GPR155: variants seen among roughly 807,000 people sequenced by gnomAD.
The protein encoded by GPR155 is G protein-coupled receptor 155.
In GPR155, 65 loss-of-function variants were observed where a neutral mutation model predicts 93.1. The ratio of observed to expected loss-of-function variants is 0.70; its 90% CI spans 0.57 to 0.86. The LOEUF is 0.86. GPR155 is among the 40% of genes least tolerant of loss of function. The pLI is 0.00. For missense variants in GPR155, 838 were observed against 1,034.8 expected, an observed-to-expected ratio of 0.81 and a Z score of 2.61; for synonymous variants, 319 against 360.1, an observed-to-expected ratio of 0.89 and a Z score of 1.29.
chr2:174,476,943 C>T (rs1688184813), intron 2 of GPR155, among the ~76,000 whole-genome samples: 1 of 152,162 alleles, frequency 6.6e-6, no homozygotes, highest in Non-Finnish European at 1.5e-5. Flanking sequence ...ACTAGTGCCA[C>T]CTCAACAAAT....
chr2:174,459,760 G>A (rs928253477), intron 10 of GPR155, 118 bp downstream of exon 10: 12 of 677,866 alleles, frequency 1.8e-5, no homozygotes, highest in African/African-American at 5.4e-5. Flanking sequence ...TGGCAGAATC[G>A]CTTAAACACA....
intron 10 of GPR155, 138 bp from the exon 11 acceptor site, chr2:174,453,979 C>G (rs2105694546): frequency 1.6e-6 from 1 of 638,928 alleles, no homozygotes; most frequent in East Asian, 2.7e-5. Context: ...CACATGGTAT[C>G]TATCCAAAAG....
At chr2:174,446,813 A>G in intron 11 of GPR155, 66 bp from the exon 12 acceptor site, 1 of 1,431,926 alleles carries the variant, frequency 7.0e-7, no homozygotes, top group Non-Finnish European at 9.8e-7. Flanking sequence ...TTAAATTTGT[A>G]ATGACTTCCT....
At chr2:174,445,053 C>G (rs770344625) in intron 13 of GPR155, 28 bp downstream of exon 13, 6 of 1,136,992 alleles carry the variant, frequency 5.3e-6, no homozygotes, top group Admixed American at 5.1e-5. Context: ...AAGACAAAAA[C>G]CCCTCAAAGT....
chr2:174,437,786 G>T (rs1172048291), intron 15 of GPR155, among the ~76,000 whole-genome samples: 1 of 151,404 alleles, frequency 6.6e-6, no homozygotes, highest in Admixed American at 6.6e-5. Context: ...ATTTCTCCAT[G>T]TTGGTCAGGC....
chr2:174,446,688 GTTC>G lies in GPR155; in HGVS notation c.1933_1935del (p.Glu645del), dbSNP rs747946706. ...TGCTGGTCTCCACTCTGTAGATACT[GTTC>G]TTCTTCCTGGGCTAATATGCAGCTC... On this transcript the variant is annotated inframe_deletion, in exon 12 of 16. Transcript: ENST00000392552. 2.4e-5 allele frequency: 39 copies of G among 1,613,600 alleles called. No individual in the cohort carries two copies. The highest frequency in any genetic ancestry group is 1.7e-4 in the Admixed American group (10 of 60,000).
chr2:174,464,325 A>C (rs184794467), intron 7 of GPR155, among the ~76,000 whole-genome samples: 1 of 152,352 alleles, frequency 6.6e-6, no homozygotes, highest in East Asian at 1.9e-4. Flanking sequence ...CTGGGATTTT[A>C]CTGATATAAG....
At chr2:174,472,888 G>T in intron 3 of GPR155, 77 bp downstream of exon 3, 1 of 1,113,166 alleles carries the variant, frequency 9.0e-7, no homozygotes, top group Non-Finnish European at 1.3e-6. Context: ...GAAAATGGTT[G>T]CAGACATACC....
At chr2:174,470,333 T>A (rs942381707) in intron 4 of GPR155, 57 bp downstream of exon 4, 31 of 1,339,846 alleles carry the variant, frequency 2.3e-5, no homozygotes, top group Admixed American at 7.6e-5. Flanking sequence ...TGAAATGAAT[T>A]TAAAAATTTT....
At chr2:174,456,388 T>G (rs1687519195) in intron 10 of GPR155, among the ~76,000 whole-genome samples, 1 of 151,886 alleles carries the variant, frequency 6.6e-6, no homozygotes, top group South Asian at 2.1e-4. Context: ...CACTGCAGCC[T>G]CTGCTTTCCA....
At chr2:174,454,249 C>T (rs1687421542) in intron 10 of GPR155, among the ~76,000 whole-genome samples, 1 of 152,184 alleles carries the variant, frequency 6.6e-6, no homozygotes, top group South Asian at 2.1e-4. Context: ...GCGATTGTCC[C>T]GCCTCAGCTT....
At position 174,468,972 on chromosome 2, in the gene GPR155, T is replaced by A. The variant is rs1687915847; in HGVS notation, c.1122A>T (p.Pro374=). 1 of 1,613,910 alleles carries A rather than the reference T, an allele frequency of 6.2e-7. No individual in the cohort carries two copies. Among genetic ancestry groups the A allele is most frequent in the Non-Finnish European group, 8.5e-7 (1 of 1,179,908 alleles). The change falls in exon 5 of 16, where the codon CCA becomes CCT. Residue 374 remains proline, a synonymous_variant. Transcript: ENST00000392552. ...LLTFPTMDPK[P]LAYAIQNVSF... is the part of the protein sequence containing the mutation. ...TAACATTCTGGATGGCATATGCCAA[T>A]GGCTTAGGGTCCATAGTGGGAAAGG...
intron 11 of GPR155, among the ~76,000 whole-genome samples, chr2:174,450,816 A>G (rs1687296134): frequency 6.6e-6 from 1 of 152,234 alleles, no homozygotes; most frequent in Non-Finnish European, 1.5e-5. Context: ...CACATTTTAG[A>G]AAAGGCCATG....
intron 1 of GPR155, among the ~76,000 whole-genome samples, chr2:174,483,981 C>A (rs1574745276): frequency 6.6e-6 from 1 of 152,190 alleles, no homozygotes; most frequent in Non-Finnish European, 1.5e-5. Context: ...CAGAAATTTA[C>A]AATGCTCAGG....
At chr2:174,461,732 C>G (rs1455618250) in intron 7 of GPR155, 60 bp from the exon 8 acceptor site, 1 of 962,046 alleles carries the variant, frequency 1.0e-6, no homozygotes, top group Non-Finnish European at 1.6e-6. Context: ...CTTTATGAAA[C>G]TTTATTTCCT....
intron 13 of GPR155, among the ~76,000 whole-genome samples, chr2:174,442,817 A>G (rs950017748): frequency 2.6e-5 from 4 of 152,144 alleles, no homozygotes; most frequent in Admixed American, 2.0e-4. Context: ...GAAGGACCCA[A>G]ATTTCTTCAT....
Position 174,473,209 on chromosome 2 carries a change from TTTTTA to T in GPR155, c.611_615del (p.Ile204AsnfsTer29), listed in dbSNP as rs776987791. On this transcript the variant is annotated frameshift_variant, in exon 3 of 16. Coordinates refer to ENST00000392552, the MANE Select transcript of GPR155 (RefSeq NM_152529.7). LOFTEE classifies it high-confidence loss of function. Reference sequence around the variant, plus strand: ...ACACGCAGGAGTCCGAGTCCCACAATTTTTATTTTATTTTGAGAAGCATTTTGAGT... The same window carrying T: ...ACACGCAGGAGTCCGAGTCCCACAATTTTTATTTTGAGAAGCATTTTGAGT... 8 of 1,613,700 alleles carry T rather than the reference TTTTTA, an allele frequency of 5.0e-6. No individual in the cohort carries two copies. Among genetic ancestry groups the T allele is most frequent in the African/African-American group, 2.7e-5 (2 of 74,912 alleles).
intron 2 of GPR155, among the ~76,000 whole-genome samples, chr2:174,476,997 G>A (rs1424711567): frequency 6.6e-6 from 1 of 152,036 alleles, no homozygotes; most frequent in Admixed American, 6.6e-5. Flanking sequence ...CTCAGTCCCT[G>A]GCATAATGCT....
At chr2:174,465,419 G>T (rs900226271) in intron 7 of GPR155, among the ~76,000 whole-genome samples, 1 of 152,136 alleles carries the variant, frequency 6.6e-6, no homozygotes, top group Admixed American at 6.6e-5. Context: ...TCCCTGTTCA[G>T]CAGGACTCGA....
Sources: allele counts gnomAD v4.1 joint callset (sites outside exome capture counted in the v4.1 genomes callset), GRCh38; gene constraint gnomAD v4.1.1; transcripts MANE v1.5; gene names NCBI Gene and HGNC (gene_info 2026-07-23, HGNC 2026-07-21).